TENM3: variants seen among roughly 807,000 people sequenced by gnomAD.
TENM3 encodes teneurin transmembrane protein 3.
Under a neutral mutation model 255.1 loss-of-function variants are expected in TENM3, and 63 were observed. The observed-to-expected ratio is 0.25, with a 90% CI of 0.20 to 0.30. The LOEUF (loss-of-function observed/expected upper bound fraction) is 0.30. Among genes scored for constraint, TENM3 ranks in the 10% least tolerant of loss-of-function variants. The probability of loss-of-function intolerance (pLI) is 1.00; values close to 1 mark genes in which losing one functional copy is unlikely to be tolerated. For missense variants in TENM3, 2,929 were observed against 3,461.1 expected (o/e 0.85, Z 3.86); for synonymous variants, 1,306 against 1,322.3 (o/e 0.99, Z 0.27).
At chr4:182,261,614 A>G (rs1343552695) in intron 1 of TENM3, among the ~76,000 whole-genome samples, 1 of 152,232 alleles carries the variant, frequency 6.6e-6, no homozygotes, top group African/African-American at 2.4e-5. Context: ...AGAATACAAT[A>G]TTAGCTTTGA....
At chr4:181,729,111 T>G in the TENM3 span, among the ~76,000 whole-genome samples, 2 of 152,214 alleles carry the variant, frequency 1.3e-5, no homozygotes, top group Non-Finnish European at 2.9e-5. Context: ...ATGTAATTAT[T>G]AATAAATGCT....
At chr4:182,147,266 G>T (rs1168324699) in intron 1 of TENM3, among the ~76,000 whole-genome samples, 1 of 152,124 alleles carries the variant, frequency 6.6e-6, no homozygotes, top group Non-Finnish European at 1.5e-5. Flanking sequence ...GTTAGGCTCG[G>T]TGTACAAAAA....
chr4:182,398,394 CA>C (rs1455261800), intron 3 of TENM3, among the ~76,000 whole-genome samples: 2 of 152,086 alleles, frequency 1.3e-5, no homozygotes, highest in Non-Finnish European at 2.9e-5. Context: ...ACAATTACCA[CA>C]ACTTTTTCTC....
chr4:182,343,061 C>G (rs1472916076), intron 2 of TENM3, among the ~76,000 whole-genome samples: 1 of 152,154 alleles, frequency 6.6e-6, no homozygotes. Flanking sequence ...GTCAAATACC[C>G]TCACTCGTTT....
At chr4:182,669,266 T>C (rs1031179525) in intron 6 of TENM3, among the ~76,000 whole-genome samples, 15 of 137,082 alleles carry the variant, frequency 1.1e-4, no homozygotes, top group African/African-American at 3.8e-4. Flanking sequence ...CCATGTCACG[T>C]TTTTTTTGTT....
the TENM3 span, among the ~76,000 whole-genome samples, chr4:181,550,648 C>T: frequency 6.6e-6 from 1 of 152,058 alleles, no homozygotes; most frequent in Non-Finnish European, 1.5e-5. Flanking sequence ...CACAAGGTTG[C>T]AGAGGAAGAA....
the TENM3 span, among the ~76,000 whole-genome samples, chr4:181,883,530 TG>T: frequency 6.6e-6 from 1 of 152,144 alleles, no homozygotes; most frequent in African/African-American, 2.4e-5. Flanking sequence ...GCTGGAGTGC[TG>T]TGGTGCGATC....
Position 182,324,196 on chromosome 4 carries a change from A to G in TENM3, c.176A>G (p.Tyr59Cys). 1.2e-6 allele frequency: 2 copies of G among 1,614,004 alleles called. No individual in the cohort carries two copies. Among genetic ancestry groups the G allele is most frequent in the Non-Finnish European group, 1.7e-6 (2 of 1,179,892 alleles). The change falls in exon 2 of 28, where the codon TAC becomes TGC. Residue 59 changes from tyrosine (Y) to cysteine (C), a missense_variant. Transcript: ENST00000511685. Reference sequence around the variant, plus strand: ...GATCATGATTCCTCGCGGCTGCTTTACGGCAACAGAGTGAAGGATTTGGTT... The same window carrying G: ...GATCATGATTCCTCGCGGCTGCTTTGCGGCAACAGAGTGAAGGATTTGGTT... ...AFDHDSSRLL[Y>C]GNRVKDLVHR...
chr4:182,730,248 A>G lies in TENM3; in HGVS notation c.2634A>G (p.Pro878=), dbSNP rs753915593. 6.2e-7 allele frequency: 1 copy of G among 1,613,838 alleles called. No homozygotes were observed. The highest frequency in any genetic ancestry group is 1.3e-5 in the African/African-American group (1 of 75,042). ...RGQVLTADGT[P]LIGVNVSFFH... ...AAGTACTGACTGCTGATGGAACTCC[A>G]CTTATTGGAGTAAATGTCTCGTTTT... The change falls in exon 15 of 28, where the codon CCA becomes CCG. Residue 878 remains proline (P), a synonymous_variant. Coordinates refer to ENST00000511685, the MANE Select transcript of TENM3 (RefSeq NM_001080477.4).
chr4:181,790,521 T>G, the TENM3 span, among the ~76,000 whole-genome samples: 1 of 152,188 alleles, frequency 6.6e-6, no homozygotes, highest in East Asian at 1.9e-4. Flanking sequence ...AGCTGCAAAG[T>G]GTAACTTCTG....
At chr4:182,723,855 A>G (rs924675387) in intron 13 of TENM3, among the ~76,000 whole-genome samples, 1 of 152,226 alleles carries the variant, frequency 6.6e-6, no homozygotes, top group Non-Finnish European at 1.5e-5. Context: ...AGAGTTGAAC[A>G]GTCGCCATAG....
chr4:181,448,154 ATTTTTTTTTTTT>A, the TENM3 span, among the ~76,000 whole-genome samples: 20 of 90,126 alleles, frequency 2.2e-4, no homozygotes, highest in African/African-American at 9.6e-4. Flanking sequence ...AAATCCAGTA[ATTTTTTTTTTTT>A]TTTTTTTTTT....
chr4:182,044,441 C>T, the TENM3 span, among the ~76,000 whole-genome samples: 3,712 of 152,240 alleles, frequency 0.024, 155 homozygotes, highest in African/African-American at 0.083. Flanking sequence ...TAAGGTCACG[C>T]AGATATTTTA....
the TENM3 span, among the ~76,000 whole-genome samples, chr4:181,662,609 T>G: frequency 6.6e-6 from 1 of 152,194 alleles, no homozygotes; most frequent in African/African-American, 2.4e-5. Context: ...GTGTCACGAT[T>G]TTAATGTATG....
intron 3 of TENM3, among the ~76,000 whole-genome samples, chr4:182,349,663 A>G (rs1218995161): frequency 6.6e-6 from 1 of 152,190 alleles, no homozygotes; most frequent in Non-Finnish European, 1.5e-5. Context: ...TCACATTTTT[A>G]CCTATATTAC....
At chr4:181,683,640 G>A in the TENM3 span, among the ~76,000 whole-genome samples, 1 of 152,184 alleles carries the variant, frequency 6.6e-6, no homozygotes, top group African/African-American at 2.4e-5. Context: ...CGAAAGATGA[G>A]ATGTGTCAGA....
At chr4:182,523,689 A>G (rs1038443427) in intron 3 of TENM3, among the ~76,000 whole-genome samples, 1 of 152,176 alleles carries the variant, frequency 6.6e-6, no homozygotes, top group Non-Finnish European at 1.5e-5. Context: ...TGTTAGTGAC[A>G]GTATAGGTTC....
At chr4:182,445,622 T>TA (rs1311936314) in intron 3 of TENM3, among the ~76,000 whole-genome samples, 4 of 151,970 alleles carry the variant, frequency 2.6e-5, no homozygotes, top group Non-Finnish European at 4.4e-5. Flanking sequence ...TTTTTTTTTT[T>TA]AAATACAATT....
chr4:182,104,805 G>A, the TENM3 span, among the ~76,000 whole-genome samples: 8 of 152,044 alleles, frequency 5.3e-5, no homozygotes, highest in East Asian at 1.9e-4. Context: ...GAGCCACCGT[G>A]CCAGGACTCT....
Sources: allele counts gnomAD v4.1 joint callset (sites outside exome capture counted in the v4.1 genomes callset), GRCh38; gene constraint gnomAD v4.1.1; transcripts MANE v1.5; gene names NCBI Gene and HGNC (gene_info 2026-07-23, HGNC 2026-07-21).